FAM185A: variants seen among roughly 807,000 people sequenced by gnomAD.
The protein encoded by FAM185A is family with sequence similarity 185 member A.
Under a neutral mutation model 45.7 loss-of-function variants are expected in FAM185A, and 21 were observed. The ratio of observed to expected loss-of-function variants is 0.46; its 90% CI spans 0.33 to 0.66. The LOEUF is 0.66. Ranked by LOEUF, FAM185A falls within the 30% of genes least tolerant of loss-of-function variation. The pLI, the probability that FAM185A is intolerant of heterozygous loss-of-function variation, is 0.03. For missense variants in FAM185A, 305 were observed against 485.4 expected, an observed-to-expected ratio of 0.63 and a Z score of 3.49; for synonymous variants, 117 against 194.0, an observed-to-expected ratio of 0.60 and a Z score of 3.30.
chr7:102,778,829 G>C (rs1469225189), intron 6 of FAM185A, among the ~76,000 whole-genome samples: 1 of 152,206 alleles, frequency 6.6e-6, no homozygotes, highest in African/African-American at 2.4e-5. Context: ...GTAATGGAAA[G>C]TTATTCAGTA....
At chr7:102,758,427 CTTTTTTTTTTTTTTTTTTTT>C (rs869220298) in intron 3 of FAM185A, among the ~76,000 whole-genome samples, 2 of 45,890 alleles carry the variant, frequency 4.4e-5, no homozygotes, top group Non-Finnish European at 8.9e-5. Context: ...GCTCTCACAG[CTTTTTTTTTTTTTTTTTTTT>C]TTTTTTTTTT....
the FAM185A span, among the ~76,000 whole-genome samples, chr7:102,843,982 T>C: frequency 6.6e-6 from 1 of 152,086 alleles, no homozygotes; most frequent in African/African-American, 2.4e-5. Flanking sequence ...GTTACACCCT[T>C]AAAATTCATC....
the FAM185A span, among the ~76,000 whole-genome samples, chr7:102,838,878 GCCTCGTGGGATGGCAAAGA>G: frequency 6.6e-6 from 1 of 152,154 alleles, no homozygotes; most frequent in Non-Finnish European, 1.5e-5. Flanking sequence ...CTGAAATATG[GCCTCGTGGGATGGCAAAGA>G]CCTCGTGGGA....
At chr7:102,812,836 GCTT>G (rs1303295259), downstream of FAM185A, among the ~76,000 whole-genome samples, 26 of 148,040 alleles carry the variant, frequency 1.8e-4, no homozygotes, top group South Asian at 2.1e-4. Context: ...ACTTGATTTG[GCTT>G]CTTTTTTTTT....
chr7:102,767,708 TTTA>T lies in FAM185A; in HGVS notation c.794-4699_794-4697del, dbSNP rs1169765135. On this transcript the variant is annotated intron_variant, in intron 4 of 7. Coordinates refer to ENST00000413034, the MANE Select transcript of FAM185A (RefSeq NM_001145268.2). The stretch of plus-strand genomic sequence containing the variant: ...AATCTATGTCTCTAGCCCTGACTAA[TTTA>T]TACATCCATCTGGCAGGTAGACATA... Among the ~76,000 whole-genome samples, 3 of 152,278 alleles carry T rather than the reference TTTA, an allele frequency of 2.0e-5. No individual in the cohort carries two copies. In the East Asian group the frequency reaches 5.8e-4, roughly 29 times the overall value.
the FAM185A span, among the ~76,000 whole-genome samples, chr7:102,826,724 CATATATATA>C: frequency 1.1e-4 from 7 of 62,712 alleles, 1 homozygote; most frequent in Admixed American, 7.2e-4. Context: ...GACCCTGTCT[CATATATATA>C]TATATATATA....
the FAM185A span, among the ~76,000 whole-genome samples, chr7:102,834,138 GAAAA>G: frequency 8.1e-6 from 1 of 123,898 alleles, no homozygotes; most frequent in Non-Finnish European, 1.7e-5. Flanking sequence ...AAGAAAGAAA[GAAAA>G]GAGAAGACAA....
chr7:102,827,478 T>C, the FAM185A span, among the ~76,000 whole-genome samples: 1 of 152,176 alleles, frequency 6.6e-6, no homozygotes, highest in East Asian at 1.9e-4. Flanking sequence ...GCCAATACTA[T>C]GTGCCAGGAA....
chr7:102,783,325 AC>A (rs1795539947), intron 6 of FAM185A, among the ~76,000 whole-genome samples: 1 of 152,122 alleles, frequency 6.6e-6, no homozygotes, highest in Non-Finnish European at 1.5e-5. Flanking sequence ...AGAACTCTCC[AC>A]CCCAAATCAA....
At position 102,751,705 on chromosome 7, in the gene FAM185A, G is replaced by C; in HGVS notation, c.465G>C (p.Lys155Asn). The change falls in exon 2 of 8, where the codon AAG becomes AAC. Residue 155 changes from lysine (K) to asparagine (N), a missense_variant. By Grantham distance (94) the Lys-to-Asn change is moderately conservative (BLOSUM62 0). This residue lies in a region of FAM185A where 174 missense variants were observed against 247.1 expected (regional missense o/e 0.70). Transcript: ENST00000413034. Reference protein sequence around the residue: ...NAPLKFGLDIKSSGSGCVKVQ... With the variant: ...NAPLKFGLDINSSGSGCVKVQ... ...TTTTACTTCTAGGTTTAGATATCAA[G>C]TCATCAGGGTCTGGCTGTGTAAAAG... 6.5e-7 allele frequency: 1 copy of C among 1,546,732 alleles called. No individual in the cohort carries two copies.
At chr7:102,800,061 C>T (rs193029188) in intron 7 of FAM185A, among the ~76,000 whole-genome samples, 13 of 152,296 alleles carry the variant, frequency 8.5e-5, no homozygotes, top group African/African-American at 2.4e-4. Flanking sequence ...GACCCATAGA[C>T]GGTTCACATC....
At chr7:102,754,111 TATC>T (rs1485340246) in intron 2 of FAM185A, among the ~76,000 whole-genome samples, 2 of 152,260 alleles carry the variant, frequency 1.3e-5, no homozygotes, top group African/African-American at 2.4e-5. Flanking sequence ...CGTACAATAA[TATC>T]ATTACCTTGA....
intron 7 of FAM185A, among the ~76,000 whole-genome samples, chr7:102,792,053 T>C (rs1480616672): frequency 1.5e-5 from 2 of 137,320 alleles, no homozygotes; most frequent in Admixed American, 7.0e-5. Context: ...ATAGAAATAC[T>C]CTTATTGCTA....
chr7:102,766,755 A>C (rs969215713), intron 4 of FAM185A, among the ~76,000 whole-genome samples: 22 of 151,998 alleles, frequency 1.4e-4, no homozygotes, highest in Non-Finnish European at 2.6e-4. Flanking sequence ...TTAATTTCGA[A>C]TCTGGACACA....
downstream of FAM185A, among the ~76,000 whole-genome samples, chr7:102,810,246 T>G (rs1363160125): frequency 6.6e-6 from 1 of 152,248 alleles, no homozygotes; most frequent in Non-Finnish European, 1.5e-5. Context: ...TTTTGTTTGT[T>G]TTTTGAGACA....
intron 6 of FAM185A, among the ~76,000 whole-genome samples, chr7:102,784,276 T>G (rs1188680005): frequency 7.4e-4 from 113 of 151,794 alleles, no homozygotes; most frequent in African/African-American, 2.5e-3. Flanking sequence ...CTGGTACCAT[T>G]CCTTCTGAAA....
chr7:102,830,966 A>G, the FAM185A span, among the ~76,000 whole-genome samples: 2 of 152,148 alleles, frequency 1.3e-5, no homozygotes, highest in Non-Finnish European at 2.9e-5. Flanking sequence ...AGAGTGGAGG[A>G]CTAAAAACTA....
intron 4 of FAM185A, among the ~76,000 whole-genome samples, chr7:102,767,941 A>C (rs1334424695): frequency 1.4e-5 from 2 of 143,660 alleles, no homozygotes; most frequent in African/African-American, 5.0e-5. Flanking sequence ...GCATCTAATC[A>C]ACTACCAAGT....
chr7:102,794,203 C>T (rs978516659), intron 7 of FAM185A, among the ~76,000 whole-genome samples: 1 of 151,998 alleles, frequency 6.6e-6, no homozygotes, highest in Non-Finnish European at 1.5e-5. Flanking sequence ...GTTTGTGATG[C>T]CTGTGGGGTT....
Sources: gnomAD v4.1 joint callset for allele counts (sites outside exome capture counted in the v4.1 genomes callset) on GRCh38, gnomAD v4.1.1 for gene constraint, gnomAD v4.1.1 regional missense constraint, MANE v1.5 for transcripts, NCBI Gene and HGNC (gene_info 2026-07-23, HGNC 2026-07-21) for gene names.